The following TBCE variants were observed in gnomAD, a reference collection of about 807,000 sequenced individuals.
The protein encoded by TBCE is tubulin-specific chaperone E.
A neutral mutation model predicts 77.0 loss-of-function variants in TBCE; 53 were observed. The ratio of observed to expected loss-of-function variants is 0.69; its 90% CI spans 0.55 to 0.87. TBCE has a LOEUF of 0.87. Among genes scored for constraint, TBCE ranks in the 40% least tolerant of loss-of-function variants. The pLI is 0.00. For missense variants in TBCE, 624 were observed against 622.4 expected (o/e 1.00, Z -0.03); for synonymous variants, 235 against 241.3 (o/e 0.97, Z 0.24).
At chr1:235,411,858 C>G (rs1422411017) in intron 3 of TBCE, among the ~76,000 whole-genome samples, 1 of 151,920 alleles carries the variant, frequency 6.6e-6, no homozygotes, top group African/African-American at 2.4e-5. Flanking sequence ...CTCCTTTGAC[C>G]CCTGTGCCCC....
intron 6 of TBCE, chr1:235,428,989 T>G (rs200850655): frequency 1.0e-5 from 1 of 99,634 alleles, no homozygotes; most frequent in Non-Finnish European, 1.9e-5. Flanking sequence ...ATATATATTT[T>G]TTTTTTTTTT....
intron 13 of TBCE, 108 bp downstream of exon 13, chr1:235,439,030 T>C (rs1393729614): frequency 1.3e-6 from 2 of 1,485,636 alleles, no homozygotes; most frequent in Non-Finnish European, 1.9e-6. Flanking sequence ...CCCTTCTTCC[T>C]TTCCTGGGCT....
Position 235,391,009 on chromosome 1 carries a change from G to T in TBCE, c.101-10494G>T, listed in dbSNP as rs12239608. Among the ~76,000 whole-genome samples the T allele has an allele frequency of 8.1e-3, 1,232 of 152,128 alleles. 15 individuals are homozygous for T. Among genetic ancestry groups the T allele is most frequent in the African/African-American group, 0.029 (1,192 of 41,496 alleles). ...TTTTGCTGGCAAATATCATTCAGGG[G>T]CCACAGTATGGGCTGCAGCGGTGTT... On this transcript the variant is annotated intron_variant, in intron 2 of 16. Transcript: ENST00000642610.
chr1:235,428,983 A>ATTTTTTT (rs1321641653), intron 6 of TBCE: 1 of 97,878 alleles, frequency 1.0e-5, no homozygotes, highest in Non-Finnish European at 1.8e-5. Flanking sequence ...ATATATATAT[A>ATTTTTTT]TATTTTTTTT....
intron 3 of TBCE, among the ~76,000 whole-genome samples, chr1:235,404,892 C>T (rs1010708745): frequency 6.6e-6 from 1 of 151,570 alleles, no homozygotes; most frequent in Non-Finnish European, 1.5e-5. Flanking sequence ...GAACCCCTGA[C>T]CTCGTGATCA....
At chr1:235,370,465 T>A (rs535464195) in intron 1 of TBCE, among the ~76,000 whole-genome samples, 12 of 151,542 alleles carry the variant, frequency 7.9e-5, no homozygotes, top group East Asian at 1.9e-4. Context: ...CTTGGCCAGG[T>A]TGGTCTTGAA....
rs576269086 is a variant in TBCE, at chr1:235,440,662, G to A, written c.1271-1152G>A. 3.3e-5 allele frequency among the ~76,000 whole-genome samples: 5 copies of A among 152,260 alleles called. No individual in the cohort carries two copies. In the South Asian group the frequency reaches 1.0e-3, roughly 32 times the overall value. On this transcript the variant is annotated intron_variant, in intron 13 of 16. Transcript: ENST00000642610. ...GCCCGCCTCAGCCTCCCAAAGTGCT[G>A]GGATTACAGGCGAGAGCCACCGCGC...
chr1:235,434,656 C>T (rs1262535581), intron 8 of TBCE, among the ~76,000 whole-genome samples: 1 of 151,894 alleles, frequency 6.6e-6, no homozygotes, highest in Non-Finnish European at 1.5e-5. Context: ...TCTGCCTCAG[C>T]CTCCCGAGTA....
intron 4 of TBCE, among the ~76,000 whole-genome samples, chr1:235,417,645 G>T (rs1680178409): frequency 6.6e-6 from 1 of 152,154 alleles, no homozygotes; most frequent in Non-Finnish European, 1.5e-5. Context: ...TATTTATTTT[G>T]GCCTAAGTAC....
At chr1:235,403,836 G>A (rs1679261586) in intron 3 of TBCE, among the ~76,000 whole-genome samples, 1 of 152,102 alleles carries the variant, frequency 6.6e-6, no homozygotes, top group African/African-American at 2.4e-5. Context: ...AAACCTGCGT[G>A]GTGTAGCCTA....
intron 3 of TBCE, among the ~76,000 whole-genome samples, chr1:235,404,990 T>C (rs1199054683): frequency 7.2e-6 from 1 of 138,306 alleles, no homozygotes; most frequent in Non-Finnish European, 1.5e-5. Flanking sequence ...GGAGACAGAG[T>C]CTTGCTCCGT....
At chr1:235,380,224 C>G in intron 2 of TBCE, 75 bp downstream of exon 2, 1 of 1,419,536 alleles carries the variant, frequency 7.0e-7, no homozygotes, top group Non-Finnish European at 9.9e-7. Context: ...TATTTTGCAG[C>G]TGTTTCTGTG....
rs141471022 is a variant in TBCE, at chr1:235,410,285, C to T, written c.186-4148C>T. 2.1e-4 allele frequency among the ~76,000 whole-genome samples: 32 copies of T among 152,226 alleles called. No individual in the cohort carries two copies. The East Asian group carries it at 5.0e-3, about 24-fold the overall frequency. Reference sequence around the variant, plus strand: ...AATAAAGGAATAACGAATGGCTACTCCATAGGCAGAACAGTCCCGAGGACT... The same window carrying T: ...AATAAAGGAATAACGAATGGCTACTTCATAGGCAGAACAGTCCCGAGGACT... On this transcript the variant is annotated intron_variant, in intron 3 of 16. Transcript: ENST00000642610.
At chr1:235,402,846 G>T (rs922828066) in intron 3 of TBCE, among the ~76,000 whole-genome samples, 1 of 151,910 alleles carries the variant, frequency 6.6e-6, no homozygotes, top group Non-Finnish European at 1.5e-5. Context: ...GCCCAGGCTG[G>T]TCTCAAACTC....
At chr1:235,430,492 G>C in intron 6 of TBCE, 1 of 447,826 alleles carries the variant, frequency 2.2e-6, no homozygotes, top group Non-Finnish European at 4.1e-6. Context: ...TTACACAGCT[G>C]ATACCAAAAA....
intron 2 of TBCE, among the ~76,000 whole-genome samples, chr1:235,383,698 A>G (rs1050663642): frequency 1.5e-4 from 23 of 152,232 alleles, no homozygotes; most frequent in Non-Finnish European, 2.8e-4. Context: ...GTTGCTTATC[A>G]GCTTAAGGAG....
intron 4 of TBCE, among the ~76,000 whole-genome samples, chr1:235,418,270 G>A (rs188960703): frequency 1.3e-5 from 2 of 152,232 alleles, no homozygotes; most frequent in East Asian, 3.9e-4. Context: ...TCCACCTCTT[G>A]ACTACCAGGA....
Position 235,449,040 on chromosome 1 carries a change from A to AAATAGAAAGAAAC in TBCE, c.*279_*291dup, listed in dbSNP as rs1682709894. ...CATTTCATGATAAGATTTAAATATTAAATAGAAAGAAACTAGCTAGCCTAA... is the reference window on the plus strand; with the variant it reads ...CATTTCATGATAAGATTTAAATATTAAATAGAAAGAAACAATAGAAAGAAACTAGCTAGCCTAA... On this transcript the variant is annotated 3_prime_UTR_variant, in exon 17 of 17. Transcript: ENST00000642610. The AAATAGAAAGAAAC allele has an allele frequency of 5.7e-6, 2 of 350,566 alleles. No homozygotes were observed. Among genetic ancestry groups the AAATAGAAAGAAAC allele is most frequent in the Non-Finnish European group, 1.1e-5 (2 of 184,322 alleles). The allele number at this position is 350,566 out of a possible 1,614,324, so 21.7% of individuals were successfully genotyped here. A position where few individuals can be genotyped will look rare whatever the true frequency, so the allele number is the denominator to read the frequency against.
At chr1:235,419,392 C>T (rs769963929) in intron 4 of TBCE, 81 bp from the exon 5 acceptor site, 4 of 1,600,790 alleles carry the variant, frequency 2.5e-6, no homozygotes, top group Non-Finnish European at 3.4e-6. Flanking sequence ...TTTTATATGT[C>T]TGAAATGTGT....
Sources: allele counts gnomAD v4.1 joint callset (sites outside exome capture counted in the v4.1 genomes callset), GRCh38; gene constraint gnomAD v4.1.1; transcripts MANE v1.5; gene names NCBI Gene and HGNC (gene_info 2026-07-23, HGNC 2026-07-21).